CFAP46: variants seen among roughly 807,000 people sequenced by gnomAD.
CFAP46 encodes the protein cilia- and flagella-associated protein 46.
A neutral mutation model predicts 325.7 loss-of-function variants in CFAP46; 245 were observed. The ratio of observed to expected loss-of-function variants is 0.75; its 90% CI spans 0.68 to 0.84. The LOEUF (loss-of-function observed/expected upper bound fraction) is 0.84. CFAP46 is among the 40% of genes least tolerant of loss of function. CFAP46 has a pLI of 0.00. For missense variants in CFAP46, 3,346 were observed against 3,543.0 expected, an observed-to-expected ratio of 0.94 and a Z score of 1.41; for synonymous variants, 1,523 against 1,495.9, an observed-to-expected ratio of 1.02 and a Z score of -0.42.
intron 8 of CFAP46, among the ~76,000 whole-genome samples, chr10:132,931,692 C>T (rs1468594807): frequency 6.9e-6 from 1 of 145,146 alleles, no homozygotes; most frequent in Non-Finnish European, 1.5e-5. Context: ...TTCCTCCCCA[C>T]ACAGAGCCTG....
At chr10:132,855,932 T>C (rs1364682332) in intron 39 of CFAP46, among the ~76,000 whole-genome samples, 1 of 152,204 alleles carries the variant, frequency 6.6e-6, no homozygotes, top group African/African-American at 2.4e-5. Context: ...AGGCTCTCCA[T>C]GCACCTGTGT....
At chr10:132,910,817 C>T (rs1426514865) in intron 19 of CFAP46, among the ~76,000 whole-genome samples, 1 of 152,194 alleles carries the variant, frequency 6.6e-6, no homozygotes, top group Non-Finnish European at 1.5e-5. Flanking sequence ...GATAAACTTC[C>T]AAACATTTGT....
At chr10:132,881,142 C>T (rs201091880) in intron 27 of CFAP46, 110 bp from the exon 28 acceptor site, 4 of 1,073,790 alleles carry the variant, frequency 3.7e-6, no homozygotes, top group African/African-American at 3.1e-5. Flanking sequence ...TTCATTCTTA[C>T]CCCCACAGTG....
Position 132,909,118 on chromosome 10 carries a change from G to C in CFAP46, c.2757+19C>G. The C allele has an allele frequency of 6.5e-7, 1 of 1,532,878 alleles. No individual in the cohort carries two copies. Among genetic ancestry groups the C allele is most frequent in the East Asian group, 2.5e-5 (1 of 40,706 alleles). The allele number at this position is 1,532,878 out of a possible 1,614,324, so 95.0% of individuals were successfully genotyped here. The stretch of plus-strand genomic sequence containing the variant: ...CGCCTCTTGGCCCCTGGCCTCCCGG[G>C]ACCCCTGGGGACACCTACCTGGGCC... On this transcript the variant is annotated intron_variant, in intron 21 of 57. Transcript: ENST00000368586.
intron 50 of CFAP46, among the ~76,000 whole-genome samples, chr10:132,829,905 C>T (rs1396529751): frequency 6.6e-6 from 1 of 152,098 alleles, no homozygotes; most frequent in Non-Finnish European, 1.5e-5. Flanking sequence ...ATCCTTGTAA[C>T]ATATTGTTTT....
At position 132,850,226 on chromosome 10, in the gene CFAP46, A is replaced by G; in HGVS notation, c.5952+18T>C. On this transcript the variant is annotated intron_variant, in intron 41 of 57. Transcript: ENST00000368586. ...CTGGTGTTGGAGCCAGACTTGGGAT[A>G]GAAGCAGGAGCACCTACCGAGGGGC... 6.5e-7 allele frequency: 1 copy of G among 1,549,996 alleles called. No homozygotes were observed.
chr10:132,871,091 C>A (rs1365265456), intron 32 of CFAP46, among the ~76,000 whole-genome samples: 1 of 152,216 alleles, frequency 6.6e-6, no homozygotes, highest in African/African-American at 2.4e-5. Context: ...TGCCTGTGCT[C>A]CGTAAGTGTA....
chr10:132,859,238 G>A lies in CFAP46; in HGVS notation c.5208C>T (p.Ser1736=). 2 of 1,548,454 alleles carry A rather than the reference G, an allele frequency of 1.3e-6. No individual in the cohort carries two copies. Among genetic ancestry groups the A allele is most frequent in the African/African-American group, 1.4e-5 (1 of 73,152 alleles). The change falls in exon 38 of 58, where the codon AGC becomes AGT. Residue 1736 remains serine (S), a synonymous_variant. Transcript: ENST00000368586. The part of the protein sequence containing the change: ...MITDLEARCL[S]LRVRVAQHSA... The stretch of plus-strand genomic sequence containing the variant: ...AGTGCTGCGCAACTCTGACCCGCAG[G>A]CTCAGGCACCTGACGGAGGGACGGT...
rs1849491247 is a variant in CFAP46 at position 132,908,455 on chromosome 10, G to A, written c.2924+13C>T. On this transcript the variant is annotated intron_variant, in intron 22 of 57. Coordinates refer to ENST00000368586, the MANE Select transcript of CFAP46 (RefSeq NM_001200049.3). ...GTTTTGAGGGAATTTGTCCAGTCAT[G>A]AGGGTTACTTACGGCCCAAATTTCT... is the stretch of plus-strand genomic sequence containing the variant. 1 of 1,550,272 alleles carries A rather than the reference G, an allele frequency of 6.5e-7. No individual in the cohort carries two copies. Among genetic ancestry groups the A allele is most frequent in the Non-Finnish European group, 8.7e-7 (1 of 1,146,916 alleles).
At position 132,847,163 on chromosome 10, in the gene CFAP46, G is replaced by A. The variant is rs769228639; in HGVS notation, c.6087+24C>T. The A allele has an allele frequency of 1.9e-6, 3 of 1,608,298 alleles. No individual in the cohort carries two copies. Among genetic ancestry groups the A allele is most frequent in the Admixed American group, 1.7e-5 (1 of 59,810 alleles). ...GCCAGGCTCCGGGCAGAGGCCACAC[G>A]AGGGGCAGGAGGGGCAGCCGCACCT... is the stretch of plus-strand genomic sequence containing the variant. On this transcript the variant is annotated intron_variant, in intron 42 of 57. Coordinates refer to ENST00000368586, the MANE Select transcript of CFAP46 (RefSeq NM_001200049.3). This position sits in a 1 kb window ranked among gnomAD's most constrained non-coding sequence, Gnocchi z 5.2.
chr10:132,823,326 CGG>C lies in CFAP46; in HGVS notation c.7118-8414_7118-8413del, dbSNP rs1847932760. On this transcript the variant is annotated intron_variant, in intron 50 of 57. Coordinates refer to ENST00000368586, the MANE Select transcript of CFAP46 (RefSeq NM_001200049.3). ...TGTGCTGTGTGAGTGCTGATGTGTG[CGG>C]TGTGCTGATGTGTGCTGTGTGTGCT... Among the ~76,000 whole-genome samples, 3 of 70,766 alleles carry C rather than the reference CGG, an allele frequency of 4.2e-5. 1 individual carries two copies. The highest frequency in any genetic ancestry group is 7.1e-4 in the South Asian group (1 of 1,400). 46.4% of individuals were successfully genotyped at this position (70,766 alleles called of 152,430 possible). A position where few individuals can be genotyped will look rare whatever the true frequency, so the allele number is the denominator to read the frequency against.
intron 24 of CFAP46, among the ~76,000 whole-genome samples, chr10:132,897,820 C>T (rs751998186): frequency 9.2e-5 from 14 of 152,232 alleles, no homozygotes; most frequent in East Asian, 5.8e-4. Flanking sequence ...GGCAGTCCCC[C>T]GGAGGAGGCC....
chr10:132,845,811 A>C (rs1159717501), intron 44 of CFAP46, among the ~76,000 whole-genome samples: 1 of 152,068 alleles, frequency 6.6e-6, no homozygotes, highest in African/African-American at 2.4e-5. Flanking sequence ...GTGCGTTTGT[A>C]GTTGTGACCT....
Position 132,926,629 on chromosome 10 carries a change from C to T in CFAP46, c.1004G>A (p.Cys335Tyr), listed in dbSNP as rs1413864840. Reference sequence around the variant, plus strand: ...TTCAAGTCTTAAAGCTTCCGATTCACACTCCAGACATTCCATTTCAATAAG... The same window carrying T: ...TTCAAGTCTTAAAGCTTCCGATTCATACTCCAGACATTCCATTTCAATAAG... ...GKLIEMECLE[C>Y]ESEALRLESK... is the part of the protein sequence containing the mutation. Residue 335 changes from cysteine to tyrosine, a missense_variant, in exon 10 of 58, where the codon TGT (cysteine) becomes TAT (tyrosine). Coordinates refer to ENST00000368586, the MANE Select transcript of CFAP46 (RefSeq NM_001200049.3). 5.2e-6 allele frequency: 8 copies of T among 1,536,174 alleles called. No individual in the cohort carries two copies. Among genetic ancestry groups the T allele is most frequent in the East Asian group, 4.9e-5 (2 of 40,934 alleles).
rs1313193247 is a variant in CFAP46 at position 132,899,553 on chromosome 10, G to A, written c.3038C>T (p.Ala1013Val). Residue 1013 changes from alanine to valine, a missense_variant, in exon 23 of 58, where the codon GCC becomes GTC. Coordinates refer to ENST00000368586, the MANE Select transcript of CFAP46 (RefSeq NM_001200049.3). Reference sequence around the variant, plus strand: ...CACACACCTGGCGCTCTCCGTGAAGGCCTTGGCTGCCACCAGTCGCAGCTG... The same window carrying A: ...CACACACCTGGCGCTCTCCGTGAAGACCTTGGCTGCCACCAGTCGCAGCTG... Reference protein sequence around the residue: ...RKQLRLVAAKAFTESARFGGI... With the variant: ...RKQLRLVAAKVFTESARFGGI... The A allele has an allele frequency of 6.5e-7, 1 of 1,548,748 alleles. No homozygotes were observed. The highest frequency in any genetic ancestry group is 1.4e-5 in the African/African-American group (1 of 73,002).
rs957410814 is a variant in CFAP46, at chr10:132,884,129, C to A, written c.3627+974G>T. On this transcript the variant is annotated intron_variant, in intron 27 of 57. Transcript: ENST00000368586. This position sits in a 1 kb window ranked among gnomAD's most constrained non-coding sequence, Gnocchi z 5.4. Reference sequence around the variant, plus strand: ...TCCCCAGCCGCCCGCAGCCTCCCCTCCTCAGGCCCTTCCTGCTTTCCCTGG... The same window carrying A: ...TCCCCAGCCGCCCGCAGCCTCCCCTACTCAGGCCCTTCCTGCTTTCCCTGG... 6.6e-6 allele frequency among the ~76,000 whole-genome samples: 1 copy of A among 152,244 alleles called. No individual in the cohort carries two copies. The highest frequency in any genetic ancestry group is 2.4e-5 in the African/African-American group (1 of 41,464).
chr10:132,918,698 C>T (rs1849675056), intron 15 of CFAP46, among the ~76,000 whole-genome samples, 178 bp from the exon 16 acceptor site: 1 of 152,146 alleles, frequency 6.6e-6, no homozygotes, highest in Non-Finnish European at 1.5e-5. Context: ...TGGAGGAGCT[C>T]TCCGTGGGAT....
rs780230538 is a variant in CFAP46 at position 132,937,612 on chromosome 10, C to A, written c.600G>T (p.Thr200=). Residue 200 remains threonine (T), a synonymous_variant, in exon 6 of 58, where the codon ACG becomes ACT. Transcript: ENST00000368586. The part of the protein sequence containing the change: ...RKEEAARFCS[T]AAPFIKSHVP... ...CGTGAGACTTAATGAACGGAGCTGC[C>A]GTGGAGCAGAACCTGGCAGCCTCCT... The A allele has an allele frequency of 1.1e-5, 18 of 1,613,556 alleles. No homozygotes were observed. Among genetic ancestry groups the A allele is most frequent in the South Asian group, 7.7e-5 (7 of 91,056 alleles).
rs1271057340 is a variant in CFAP46 at position 132,814,744 on chromosome 10, G to A, written c.7191C>T (p.Gly2397=). The change falls in exon 52 of 58, where the codon GGC becomes GGT. Residue 2397 remains glycine, a splice_region_variant and synonymous_variant. Transcript: ENST00000368586. The part of the protein sequence containing the change: ...KRSLAKKGRK[G]SIPRTIPPDC... ...CAGGGGGGATGGTCCGGGGGATGCT[G>A]CCCTGCAACCACAGACCAGGGTCAG... is the stretch of plus-strand genomic sequence containing the variant. The A allele has an allele frequency of 1.2e-6, 2 of 1,613,696 alleles. No individual in the cohort carries two copies. Among genetic ancestry groups the A allele is most frequent in the Admixed American group, 1.7e-5 (1 of 59,990 alleles).
Sources: allele counts gnomAD v4.1 joint callset (sites outside exome capture counted in the v4.1 genomes callset), GRCh38; gene constraint gnomAD v4.1.1; non-coding constraint Gnocchi (gnomAD v3.1); transcripts MANE v1.5; gene names NCBI Gene and HGNC (gene_info 2026-07-23, HGNC 2026-07-21).